RNF144A: variants seen among roughly 807,000 people sequenced by gnomAD.
RNF144A encodes E3 ubiquitin-protein ligase RNF144A.
Under a neutral mutation model 38.7 loss-of-function variants are expected in RNF144A, and 11 were observed. That is an observed-to-expected ratio of 0.28 (90% CI 0.18 to 0.47). The LOEUF (loss-of-function observed/expected upper bound fraction) is 0.47, where lower values mean the gene tolerates loss of function less well. Among genes scored for constraint, RNF144A ranks in the 20% least tolerant of loss-of-function variants. The pLI, the probability that RNF144A is intolerant of heterozygous loss-of-function variation, is 0.99. For missense variants in RNF144A, 316 were observed against 377.2 expected, an observed-to-expected ratio of 0.84 and a Z score of 1.34; for synonymous variants, 149 against 143.9, an observed-to-expected ratio of 1.04 and a Z score of -0.25.
At chr2:7,045,162 G>C (rs1446763202), downstream of RNF144A, among the ~76,000 whole-genome samples, 1 of 152,226 alleles carries the variant, frequency 6.6e-6, no homozygotes, top group Non-Finnish European at 1.5e-5. Flanking sequence ...AGCGCACAGA[G>C]TTTGGTCCAA....
At chr2:7,019,692 G>C (rs1307430299) in intron 5 of RNF144A, among the ~76,000 whole-genome samples, 1 of 152,222 alleles carries the variant, frequency 6.6e-6, no homozygotes, top group African/African-American at 2.4e-5. Flanking sequence ...TGAACAACCA[G>C]TCTTCCTACA....
At chr2:6,918,877 C>T (rs1039507382) in intron 1 of RNF144A, among the ~76,000 whole-genome samples, 3 of 151,908 alleles carry the variant, frequency 2.0e-5, no homozygotes, top group Admixed American at 1.3e-4. Context: ...GGAACTATCC[C>T]CAGTGGATCC....
At chr2:7,022,097 C>T (rs575063124) in intron 6 of RNF144A, among the ~76,000 whole-genome samples, 2 of 152,392 alleles carry the variant, frequency 1.3e-5, no homozygotes, top group African/African-American at 4.8e-5. Flanking sequence ...GTAGCAGAGC[C>T]CCAGCTCTTG....
rs58074169 is a variant in RNF144A, at chr2:6,977,189, T to C, written c.-11-19727T>C. 7.5e-3 allele frequency among the ~76,000 whole-genome samples: 1,144 copies of C among 152,382 alleles called. 16 individuals are homozygous for C. Among genetic ancestry groups the C allele is most frequent in the Middle Eastern group, 0.027 (8 of 294 alleles). On this transcript the variant is annotated intron_variant, in intron 2 of 8. Coordinates refer to ENST00000320892, the MANE Select transcript of RNF144A (RefSeq NM_014746.6). Reference sequence around the variant, plus strand: ...AATTTTTTAAATGTTCAGTTGATTTTATAGGTGGAAAATAAGCCCTGTCGT... The same window carrying C: ...AATTTTTTAAATGTTCAGTTGATTTCATAGGTGGAAAATAAGCCCTGTCGT...
chr2:7,054,149 C>T (rs2103475160), intron 6 of RNF144A, among the ~76,000 whole-genome samples: 1 of 148,342 alleles, frequency 6.7e-6, no homozygotes, highest in East Asian at 2.0e-4. Context: ...GTGGCCAGCT[C>T]AAGCAGCTGA....
At position 7,044,003 on chromosome 2, in the gene RNF144A, A is replaced by G; in HGVS notation, c.*4243A>G. Reference sequence around the variant, plus strand: ...CCACTAACACTGTGATGTATAAAAGAGCTGTTTGAATGCCTTTTAATGTTG... The same window carrying G: ...CCACTAACACTGTGATGTATAAAAGGGCTGTTTGAATGCCTTTTAATGTTG... On this transcript the variant is annotated 3_prime_UTR_variant, in exon 9 of 9. Coordinates refer to ENST00000320892, the MANE Select transcript of RNF144A (RefSeq NM_014746.6). 1.0e-6 allele frequency: 1 copy of G among 985,776 alleles called. No individual in the cohort carries two copies. The highest frequency in any genetic ancestry group is 1.2e-6 in the Non-Finnish European group (1 of 829,862). The allele number at this position is 985,776 out of a possible 1,614,324, so 61.1% of individuals were successfully genotyped here.
At chr2:7,057,777 TTGGAG>T (rs2103477390) in intron 6 of RNF144A, among the ~76,000 whole-genome samples, 1 of 152,352 alleles carries the variant, frequency 6.6e-6, no homozygotes, top group African/African-American at 2.4e-5. Flanking sequence ...TCATAATTGC[TTGGAG>T]TGAATAGATA....
intron 2 of RNF144A, among the ~76,000 whole-genome samples, chr2:6,988,306 A>G (rs1323580800): frequency 1.3e-5 from 2 of 152,300 alleles, no homozygotes; most frequent in South Asian, 2.1e-4. Flanking sequence ...ATGCTTATCA[A>G]CTCAGGAACC....
At chr2:6,954,447 C>T (rs189442156) in intron 2 of RNF144A, among the ~76,000 whole-genome samples, 4 of 152,138 alleles carry the variant, frequency 2.6e-5, no homozygotes, top group East Asian at 1.9e-4. Flanking sequence ...TTATAAGCTA[C>T]GATGCTTATT....
chr2:7,057,067 CA>C (rs1161593137), intron 6 of RNF144A, among the ~76,000 whole-genome samples: 3 of 152,096 alleles, frequency 2.0e-5, no homozygotes, highest in Admixed American at 6.6e-5. Flanking sequence ...CATACATCAA[CA>C]GGAGGTGAGA....
Position 6,939,418 on chromosome 2 carries a change from A to G in RNF144A, c.-211-1530A>G, listed in dbSNP as rs908812013. 6.6e-5 allele frequency among the ~76,000 whole-genome samples: 10 copies of G among 152,154 alleles called. 1 individual carries two copies. Among genetic ancestry groups the G allele is most frequent in the Admixed American group, 3.3e-4 (5 of 15,278 alleles). On this transcript the variant is annotated intron_variant, in intron 1 of 8. Coordinates refer to ENST00000320892, the MANE Select transcript of RNF144A (RefSeq NM_014746.6). ...ATGTCTATTTAAATCCTTTGCCCAT[A>G]TTTACATTTGGGTTGTCTTTGGATT...
intron 2 of RNF144A, among the ~76,000 whole-genome samples, chr2:6,981,942 A>C (rs971917097): frequency 6.6e-6 from 1 of 152,212 alleles, no homozygotes; most frequent in Non-Finnish European, 1.5e-5. Flanking sequence ...ACTTGCAATC[A>C]TGGCAGAAGG....
intron 2 of RNF144A, among the ~76,000 whole-genome samples, chr2:6,950,174 A>G (rs1040055095): frequency 6.6e-6 from 1 of 152,194 alleles, no homozygotes; most frequent in African/African-American, 2.4e-5. Context: ...GTTGATGTGA[A>G]TGGTGCTCCC....
At chr2:7,018,807 G>T (rs971981043) in intron 5 of RNF144A, among the ~76,000 whole-genome samples, 1 of 151,986 alleles carries the variant, frequency 6.6e-6, no homozygotes, top group African/African-American at 2.4e-5. Flanking sequence ...GACCTCCAGC[G>T]TTCCTTGTTA....
intron 2 of RNF144A, among the ~76,000 whole-genome samples, chr2:6,953,715 G>A (rs1666827659): frequency 6.6e-6 from 1 of 152,120 alleles, no homozygotes; most frequent in Admixed American, 6.6e-5. Flanking sequence ...AGAAAACTGT[G>A]AATTCCCAGT....
chr2:6,952,941 C>T (rs1212808371), intron 2 of RNF144A, among the ~76,000 whole-genome samples: 1 of 152,080 alleles, frequency 6.6e-6, no homozygotes, highest in African/African-American at 2.4e-5. Context: ...CAAAGAAAAA[C>T]ACTCTTGACT....
At chr2:7,068,189 A>G (rs543823215) in intron 6 of RNF144A, 200 of 1,167,566 alleles carry the variant, frequency 1.7e-4, no homozygotes, top group Middle Eastern at 1.4e-3. Flanking sequence ...TTTAACAAGT[A>G]TCAGTGAGTA....
chr2:6,972,865 C>T (rs1051726388), intron 2 of RNF144A, among the ~76,000 whole-genome samples: 2 of 152,178 alleles, frequency 1.3e-5, no homozygotes, highest in African/African-American at 4.8e-5. Flanking sequence ...TGCATGCCCT[C>T]TAACAGTGGG....
At chr2:6,964,634 G>A (rs566429901) in intron 2 of RNF144A, among the ~76,000 whole-genome samples, 5 of 152,058 alleles carry the variant, frequency 3.3e-5, no homozygotes, top group Admixed American at 6.5e-5. Context: ...GGAATACTAC[G>A]CAGCCATAAA....
Sources: gnomAD v4.1 joint callset for allele counts (sites outside exome capture counted in the v4.1 genomes callset) on GRCh38, gnomAD v4.1.1 for gene constraint, MANE v1.5 for transcripts, NCBI Gene and HGNC (gene_info 2026-07-23, HGNC 2026-07-21) for gene names.